Variants in SLCO3A1 observed in about 807,000 individuals in gnomAD.
The protein encoded by SLCO3A1 is solute carrier organic anion transporter family member 3A1.
In SLCO3A1, 27 loss-of-function variants were observed where a neutral mutation model predicts 63.1. The observed-to-expected ratio is 0.43, with a 90% CI of 0.32 to 0.59. SLCO3A1 has a LOEUF of 0.59. Ranked by LOEUF, SLCO3A1 falls within the 20% of genes least tolerant of loss-of-function variation. SLCO3A1 has a pLI of 0.09. For missense variants in SLCO3A1, 773 were observed against 945.8 expected (o/e 0.82, Z 2.40); for synonymous variants, 473 against 409.9 (o/e 1.15, Z -1.86).
At chr15:91,909,069 C>G (rs1898402546) in intron 1 of SLCO3A1, among the ~76,000 whole-genome samples, 1 of 152,092 alleles carries the variant, frequency 6.6e-6, no homozygotes, top group South Asian at 2.1e-4. Context: ...TCAAACAAAA[C>G]AAAACAAAAC....
At chr15:92,048,112 C>T (rs1008401715) in intron 2 of SLCO3A1, among the ~76,000 whole-genome samples, 1 of 152,138 alleles carries the variant, frequency 6.6e-6, no homozygotes, top group East Asian at 1.9e-4. Flanking sequence ...TGCTTCTCTG[C>T]TCTGTCCCTG....
chr15:91,944,642 T>C (rs1899739179), intron 2 of SLCO3A1, among the ~76,000 whole-genome samples: 1 of 152,118 alleles, frequency 6.6e-6, no homozygotes, highest in Non-Finnish European at 1.5e-5. Flanking sequence ...ATCTCTGATA[T>C]GGAGGAGTCA....
intron 2 of SLCO3A1, among the ~76,000 whole-genome samples, chr15:91,994,742 GAT>G (rs1438328397): frequency 6.6e-6 from 1 of 152,220 alleles, no homozygotes; most frequent in Non-Finnish European, 1.5e-5. Context: ...GATTAAATGA[GAT>G]AATGCATGAA....
At chr15:91,964,995 T>C (rs16946164) in intron 2 of SLCO3A1, among the ~76,000 whole-genome samples, 63,227 of 151,808 alleles carry the variant, frequency 0.42, 13,290 homozygotes, top group African/African-American at 0.45. Flanking sequence ...CATGCCAGCT[T>C]TTGGGAGGAT....
At position 91,916,917 on chromosome 15, in the gene SLCO3A1, C is replaced by T. The variant is rs150396230; in HGVS notation, c.646+459C>T. On this transcript the variant is annotated intron_variant, in intron 2 of 9. Transcript: ENST00000318445. The surrounding 1 kb of genome is among the most constrained non-coding windows in gnomAD (Gnocchi z 6.2). ...GGCTTTGCCAGCATTTGGCATCATT[C>T]GAAGTTGGTGACTTCCGGTAATTTT... Among the ~76,000 whole-genome samples, 809 of 152,204 alleles carry T rather than the reference C, an allele frequency of 5.3e-3. 9 individuals are homozygous for T. The highest frequency in any genetic ancestry group is 0.019 in the African/African-American group (772 of 41,514).
rs2048169848 is a variant in SLCO3A1 at position 92,143,431 on chromosome 15, AT to A, written c.1513-3552del. 9.4e-4 allele frequency among the ~76,000 whole-genome samples: 2 copies of A among 2,124 alleles called. 1 individual carries two copies. The highest frequency in any genetic ancestry group is 3.7e-3 in the African/African-American group (2 of 538). 1.4% of individuals were successfully genotyped at this position (2,124 alleles called of 152,430 possible). A position where few individuals can be genotyped will look rare whatever the true frequency, so the allele number is the denominator to read the frequency against. On this transcript the variant is annotated intron_variant, in intron 7 of 9. Transcript: ENST00000318445. Reference sequence around the variant, plus strand: ...ATAATATATATATTATATATATATAATATATATAATATATATATAATATATA... The same window carrying A: ...ATAATATATATATTATATATATATAAATATATAATATATATATAATATATA...
Position 92,126,137 on chromosome 15 carries a change from C to T in SLCO3A1, c.1251C>T (p.Ala417=). The T allele has an allele frequency of 6.2e-7, 1 of 1,613,986 alleles. No homozygotes were observed. The highest frequency in any genetic ancestry group is 2.2e-5 in the East Asian group (1 of 44,826). ...GLLVKKLSLS[A]LGAIRMAMLV... ...TGGTGAAGAAGCTCAGCCTGTCTGC[C>T]CTGGGGGCCATTCGGATGGCCATGC... The change falls in exon 6 of 10, where the codon GCC becomes GCT. Residue 417 remains alanine, a synonymous_variant. Transcript: ENST00000318445.
intron 2 of SLCO3A1, among the ~76,000 whole-genome samples, chr15:92,020,885 T>C (rs371279698): frequency 4.6e-5 from 7 of 152,256 alleles, no homozygotes; most frequent in Admixed American, 6.5e-5. Flanking sequence ...AATCATTACA[T>C]TGTTTCTGTG....
chr15:91,986,105 C>A (rs1282556939), intron 2 of SLCO3A1, among the ~76,000 whole-genome samples: 1 of 152,142 alleles, frequency 6.6e-6, no homozygotes, highest in East Asian at 1.9e-4. Flanking sequence ...GCTCTGGGAG[C>A]ACCTGGTGGG....
chr15:92,078,331 G>A (rs566456512), intron 2 of SLCO3A1, among the ~76,000 whole-genome samples: 11 of 152,276 alleles, frequency 7.2e-5, no homozygotes, highest in African/African-American at 2.4e-4. Context: ...AAGGTTTTCC[G>A]AGCCTCAGGG....
intron 2 of SLCO3A1, among the ~76,000 whole-genome samples, chr15:92,075,462 G>C (rs1028930529): frequency 6.6e-6 from 1 of 152,180 alleles, no homozygotes; most frequent in African/African-American, 2.4e-5. Flanking sequence ...TTAATGCCAC[G>C]GAGGTTGCAT....
rs12437622 is a variant in SLCO3A1 at position 91,856,364 on chromosome 15, C to T, written c.180+2276C>T. Among the ~76,000 whole-genome samples, 2,107 of 152,216 alleles carry T rather than the reference C, an allele frequency of 0.014. 85 individuals carry two copies. Among genetic ancestry groups the T allele is most frequent in the Admixed American group, 0.074 (1,132 of 15,280 alleles). Reference sequence around the variant, plus strand: ...GGGCTCTGCTTTGCCCGGCTGCCCTCGTCTTTGCCTTGCCATCGGAGCCTC... The same window carrying T: ...GGGCTCTGCTTTGCCCGGCTGCCCTTGTCTTTGCCTTGCCATCGGAGCCTC... On this transcript the variant is annotated intron_variant, in intron 1 of 9. Transcript: ENST00000318445. The surrounding 1 kb of genome is among the most constrained non-coding windows in gnomAD (Gnocchi z 4.9).
chr15:92,074,504 G>A (rs572447621), intron 2 of SLCO3A1, among the ~76,000 whole-genome samples: 14 of 152,314 alleles, frequency 9.2e-5, no homozygotes, highest in African/African-American at 3.4e-4. Context: ...GACCTCACCA[G>A]GTGATCTGCC....
rs137918158 is a variant in SLCO3A1, at chr15:92,126,684, G to A, written c.1373+425G>A. 3.7e-3 allele frequency among the ~76,000 whole-genome samples: 565 copies of A among 152,326 alleles called. 5 individuals are homozygous for A. Among genetic ancestry groups the A allele is most frequent in the African/African-American group, 0.013 (530 of 41,586 alleles). On this transcript the variant is annotated intron_variant, in intron 6 of 9. Coordinates refer to ENST00000318445, the MANE Select transcript of SLCO3A1 (RefSeq NM_013272.4). ...TTACAGGATCTGGCCCATGGCAGGTGTTCTTAAGTGTAGCGAGGGAAAGGG... is the reference window on the plus strand; with the variant it reads ...TTACAGGATCTGGCCCATGGCAGGTATTCTTAAGTGTAGCGAGGGAAAGGG...
At chr15:92,168,507 C>T (rs929653844), downstream of SLCO3A1, among the ~76,000 whole-genome samples, 3 of 152,142 alleles carry the variant, frequency 2.0e-5, no homozygotes, top group Admixed American at 6.5e-5. Flanking sequence ...TTACAAAGAC[C>T]GTCGGTGACT....
intron 2 of SLCO3A1, among the ~76,000 whole-genome samples, chr15:92,076,691 C>T (rs2047281601): frequency 6.6e-6 from 1 of 152,188 alleles, no homozygotes; most frequent in African/African-American, 2.4e-5. Flanking sequence ...CAGGGCAATC[C>T]CCACCAGTCA....
intron 2 of SLCO3A1, among the ~76,000 whole-genome samples, chr15:91,987,479 T>C (rs2151440892): frequency 6.6e-6 from 1 of 152,280 alleles, no homozygotes; most frequent in African/African-American, 2.4e-5. Context: ...CAGTGGCTCA[T>C]GCCTGTAATC....
At chr15:91,887,694 G>A (rs909987685) in intron 1 of SLCO3A1, among the ~76,000 whole-genome samples, 6 of 152,154 alleles carry the variant, frequency 3.9e-5, no homozygotes, top group African/African-American at 9.7e-5. Context: ...TCTTTTATGT[G>A]TCTTTTTGAT....
chr15:92,150,041 A>G (rs187173982), intron 8 of SLCO3A1, among the ~76,000 whole-genome samples: 3 of 152,232 alleles, frequency 2.0e-5, no homozygotes, highest in South Asian at 2.1e-4. Flanking sequence ...ACTGGTGTCT[A>G]ACTCAACCAG....
Sources: allele counts gnomAD v4.1 joint callset (sites outside exome capture counted in the v4.1 genomes callset), GRCh38; gene constraint gnomAD v4.1.1; non-coding constraint Gnocchi (gnomAD v3.1); transcripts MANE v1.5; gene names NCBI Gene and HGNC (gene_info 2026-07-23, HGNC 2026-07-21).